ZNF268: variants seen among roughly 807,000 people sequenced by gnomAD.
ZNF268 encodes zinc finger protein 3.
Under a neutral mutation model 29.3 loss-of-function variants are expected in ZNF268, and 20 were observed. That is an observed-to-expected ratio of 0.68 (90% CI 0.48 to 0.99). ZNF268 has a LOEUF of 0.99. ZNF268 is among the 50% of genes least tolerant of loss of function. The probability of loss-of-function intolerance (pLI) is 0.00; values close to 1 mark genes in which losing one functional copy is unlikely to be tolerated. For synonymous variants in ZNF268, 429 were observed against 376.9 expected (o/e 1.14, Z -1.60); for missense variants, 1,240 against 1,121.6 (o/e 1.11, Z -1.51).
chr12:133,200,444 C>G (rs1396584040), intron 5 of ZNF268, among the ~76,000 whole-genome samples: 1 of 152,116 alleles, frequency 6.6e-6, no homozygotes, highest in Non-Finnish European at 1.5e-5. Flanking sequence ...AGCTTTACTT[C>G]CAAATATGTG....
At chr12:133,192,137 T>C in intron 5 of ZNF268, 134 bp downstream of exon 5, 1 of 680,012 alleles carries the variant, frequency 1.5e-6, no homozygotes, top group South Asian at 2.2e-5. Context: ...AGACAGAGTT[T>C]CACTTTGTTG....
chr12:133,204,061 A>G lies in ZNF268; in HGVS notation c.2375A>G (p.Lys792Arg). ...CSECGKAFSS[K>R]SYLIIHMRTH... is the part of the protein sequence containing the mutation. ...GAATGTGGGAAAGCTTTTAGCAGCA[A>G]GTCATACCTAATTATACACATGAGA... The change falls in exon 6 of 6, where the codon AAG becomes AGG. Residue 792 changes from lysine (K) to arginine (R), a missense_variant. Coordinates refer to ENST00000536435, the MANE Select transcript of ZNF268 (RefSeq NM_003415.3). 6.4e-7 allele frequency: 1 copy of G among 1,561,054 alleles called. No homozygotes were observed.
chr12:133,202,078 A>T (rs905744475), intron 5 of ZNF268, 66 bp from the exon 6 acceptor site: 10 of 1,315,632 alleles, frequency 7.6e-6, no homozygotes, highest in Non-Finnish European at 1.0e-5. Context: ...CTTATTTCAT[A>T]GGCAACTTTC....
intron 5 of ZNF268, among the ~76,000 whole-genome samples, chr12:133,194,244 T>C (rs1956544033): frequency 6.6e-6 from 1 of 152,210 alleles, no homozygotes; most frequent in Non-Finnish European, 1.5e-5. Flanking sequence ...CAGTTAGTCC[T>C]TGCATTACTA....
chr12:133,188,114 C>T, intron 3 of ZNF268, 42 bp downstream of exon 3: 1 of 1,429,148 alleles, frequency 7.0e-7, no homozygotes, highest in Non-Finnish European at 9.2e-7. Flanking sequence ...TTCTTTATTA[C>T]CTTTTTTTTT....
Position 133,202,319 on chromosome 12 carries a change from A to G in ZNF268, c.633A>G (p.Lys211=). ...HKCGTHGKSL[K]YIDFTSDYAR... ...GTGGCACGCATGGAAAGAGTTTGAAATATATAGATTTCACTAGTGATTATG... is the reference window on the plus strand; with the variant it reads ...GTGGCACGCATGGAAAGAGTTTGAAGTATATAGATTTCACTAGTGATTATG... Residue 211 remains lysine (K), a synonymous_variant, in exon 6 of 6, where the codon AAA becomes AAG. Transcript: ENST00000536435. 1 of 1,612,308 alleles carries G rather than the reference A, an allele frequency of 6.2e-7. No homozygotes were observed. Among genetic ancestry groups the G allele is most frequent in the Non-Finnish European group, 8.5e-7 (1 of 1,179,160 alleles).
chr12:133,204,156 A>G lies in ZNF268; in HGVS notation c.2470A>G (p.Ile824Val), dbSNP rs1339342610. ...AGCCTTCATTTGGAAATCACTACTC[A>G]TTGTACATGAGCGAACTCATGCAGG... ...GKAFIWKSLL[I>V]VHERTHAGVN... The change falls in exon 6 of 6, where the codon ATT becomes GTT. Residue 824 changes from isoleucine to valine, a missense_variant. Ile to Val is a conservative substitution (Grantham distance 29). This residue lies in a region of ZNF268 where 1,177 missense variants were observed against 1,039.6 expected (regional missense o/e 1.13). Transcript: ENST00000536435. 1.3e-6 allele frequency: 2 copies of G among 1,542,436 alleles called. No homozygotes were observed. Among genetic ancestry groups the G allele is most frequent in the Non-Finnish European group, 1.7e-6 (2 of 1,147,288 alleles).
rs36140296 is a variant in ZNF268, at chr12:133,204,965, A to G, written c.*435A>G. 333 of 155,786 alleles carry G rather than the reference A, an allele frequency of 2.1e-3. No individual in the cohort carries two copies. The highest frequency in any genetic ancestry group is 4.0e-3 in the Admixed American group (62 of 15,630). 9.7% of individuals were successfully genotyped at this position (155,786 alleles called of 1,614,324 possible). A position where few individuals can be genotyped will look rare whatever the true frequency, so the allele number is the denominator to read the frequency against. On this transcript the variant is annotated 3_prime_UTR_variant, in exon 6 of 6. Transcript: ENST00000536435. The stretch of plus-strand genomic sequence containing the variant: ...GAGCTAATGAATGGCAGAATTAACA[A>G]AATTACAAACATTTTATGTATCGGA...
At chr12:133,185,555 G>A (rs994156159) in intron 2 of ZNF268, among the ~76,000 whole-genome samples, 2 of 152,182 alleles carry the variant, frequency 1.3e-5, no homozygotes, top group African/African-American at 4.8e-5. Flanking sequence ...TGGGGGTAGG[G>A]AGTGAGAGAG....
At chr12:133,182,120 A>G (rs1956191878) in intron 2 of ZNF268, 90 bp downstream of exon 2, 1 of 1,349,792 alleles carries the variant, frequency 7.4e-7, no homozygotes, top group South Asian at 1.3e-5. Flanking sequence ...ATTTGCCAGG[A>G]GCTTTCTCAC....
chr12:133,188,422 C>G (rs1441924989), intron 3 of ZNF268, among the ~76,000 whole-genome samples: 1 of 152,066 alleles, frequency 6.6e-6, no homozygotes, highest in African/African-American at 2.4e-5. Flanking sequence ...GTCATCAACT[C>G]CTAAGCTCAA....
At chr12:133,191,439 C>T in intron 3 of ZNF268, 50 bp from the exon 4 acceptor site, 3 of 1,611,102 alleles carry the variant, frequency 1.9e-6, no homozygotes, top group Non-Finnish European at 2.5e-6. Context: ...GCTAGTTTTC[C>T]ACAAACCTAG....
chr12:133,188,195 A>G, intron 3 of ZNF268, 123 bp downstream of exon 3: 5 of 872,760 alleles, frequency 5.7e-6, no homozygotes, highest in African/African-American at 1.8e-5. Flanking sequence ...TCAGTTCAAA[A>G]CCCCCCCACT....
chr12:133,197,435 C>T (rs989322611), intron 5 of ZNF268, among the ~76,000 whole-genome samples: 12 of 151,626 alleles, frequency 7.9e-5, no homozygotes, highest in Non-Finnish European at 1.3e-4. Flanking sequence ...TCCAGTCTAT[C>T]ATTGATGGAC....
At chr12:133,192,584 T>TA (rs965781231) in intron 5 of ZNF268, among the ~76,000 whole-genome samples, 6 of 152,168 alleles carry the variant, frequency 3.9e-5, no homozygotes, top group African/African-American at 1.4e-4. Context: ...TTAAATCCCT[T>TA]ACACATAAAT....
At chr12:133,202,087 T>C in intron 5 of ZNF268, 57 bp from the exon 6 acceptor site, 3 of 1,401,928 alleles carry the variant, frequency 2.1e-6, no homozygotes, top group Non-Finnish European at 2.9e-6. Context: ...TAGGCAACTT[T>C]CTAGTATACC....
At position 133,203,823 on chromosome 12, in the gene ZNF268, A is replaced by T; in HGVS notation, c.2137A>T (p.Ile713Leu). The T allele has an allele frequency of 6.4e-7, 1 of 1,562,826 alleles. No individual in the cohort carries two copies. Among genetic ancestry groups the T allele is most frequent in the Non-Finnish European group, 8.6e-7 (1 of 1,160,506 alleles). The change falls in exon 6 of 6, where the codon ATA (isoleucine) becomes TTA (leucine). Residue 713 changes from isoleucine (I) to leucine (L), a missense_variant. By Grantham distance (5) the Ile-to-Leu change is conservative (BLOSUM62 2). This residue lies in a region of ZNF268 where 1,177 missense variants were observed against 1,039.6 expected (regional missense o/e 1.13). Transcript: ENST00000536435. Reference sequence around the variant, plus strand: ...CTTCAGGAGCAAGTCATACCTTATTATACATATGAGAACTCATACAGGAGA... The same window carrying T: ...CTTCAGGAGCAAGTCATACCTTATTTTACATATGAGAACTCATACAGGAGA... ...KAFRSKSYLIIHMRTHTGEKP... is the reference protein window; with the variant it reads ...KAFRSKSYLILHMRTHTGEKP...
At position 133,205,171 on chromosome 12, in the gene ZNF268, A is replaced by C. The variant is rs1279826040; in HGVS notation, c.*641A>C. 7 of 135,078 alleles carry C rather than the reference A, an allele frequency of 5.2e-5. No individual in the cohort carries two copies. The East Asian group carries it at 6.3e-4, about 12-fold the overall frequency. The allele number at this position is 135,078 out of a possible 1,614,324, so 8.4% of individuals were successfully genotyped here. A position where few individuals can be genotyped will look rare whatever the true frequency, so the allele number is the denominator to read the frequency against. ...AAAAAAAAAAAAAAAAAAAAAAAAAAAACCAACCTGTTATTATATCTTAAT... is the reference window on the plus strand; with the variant it reads ...AAAAAAAAAAAAAAAAAAAAAAAAACAACCAACCTGTTATTATATCTTAAT... On this transcript the variant is annotated 3_prime_UTR_variant, in exon 6 of 6. Transcript: ENST00000536435.
chr12:133,192,902 G>A (rs944849638), intron 5 of ZNF268, among the ~76,000 whole-genome samples: 32 of 152,094 alleles, frequency 2.1e-4, no homozygotes, highest in African/African-American at 6.0e-4. Flanking sequence ...TTTGTGATCC[G>A]CCCACCTCGG....
Sources: gnomAD v4.1 joint callset for allele counts (sites outside exome capture counted in the v4.1 genomes callset) on GRCh38, gnomAD v4.1.1 for gene constraint, gnomAD v4.1.1 regional missense constraint, MANE v1.5 for transcripts, NCBI Gene and HGNC (gene_info 2026-07-23, HGNC 2026-07-21) for gene names.